Variants in CNNM1 observed in about 807,000 individuals in gnomAD.
The protein encoded by CNNM1 is metal transporter CNNM1.
In CNNM1, 44 loss-of-function variants were observed where a neutral mutation model predicts 78.8. That is an observed-to-expected ratio of 0.56 (90% confidence interval 0.44 to 0.72). CNNM1 has a LOEUF of 0.72. CNNM1 is among the 30% of genes least tolerant of loss of function. The pLI is 0.00. For synonymous variants in CNNM1, 584 were observed against 581.5 expected, an observed-to-expected ratio of 1.00 and a Z score of -0.06; for missense variants, 1,101 against 1,292.2, an observed-to-expected ratio of 0.85 and a Z score of 2.27.
intron 6 of CNNM1, among the ~76,000 whole-genome samples, chr10:99,366,402 G>A (rs1202935533): frequency 6.6e-6 from 1 of 151,334 alleles, no homozygotes; most frequent in South Asian, 2.1e-4. Flanking sequence ...AAGACTAAAA[G>A]AGGTGGAAAT....
chr10:99,351,303 AG>A (rs1428884086), intron 1 of CNNM1, among the ~76,000 whole-genome samples: 2 of 152,214 alleles, frequency 1.3e-5, no homozygotes, highest in Non-Finnish European at 2.9e-5. Flanking sequence ...AGCCACAAAG[AG>A]ACCCTTTCCC....
intron 6 of CNNM1, among the ~76,000 whole-genome samples, chr10:99,374,038 G>A (rs987309347): frequency 1.3e-5 from 2 of 152,178 alleles, no homozygotes; most frequent in African/African-American, 2.4e-5. Context: ...AAACATACAC[G>A]TACAGGTATC....
intron 6 of CNNM1, among the ~76,000 whole-genome samples, chr10:99,369,457 A>G (rs765410030): frequency 4.6e-5 from 7 of 152,164 alleles, no homozygotes; most frequent in Non-Finnish European, 1.0e-4. Context: ...TAATGATACT[A>G]AGACCCCACC....
At chr10:99,366,586 A>G (rs1370723554) in intron 6 of CNNM1, among the ~76,000 whole-genome samples, 1 of 152,112 alleles carries the variant, frequency 6.6e-6, no homozygotes, top group African/African-American at 2.4e-5. Context: ...GATCGAGACC[A>G]TCCTGGCCAA....
At chr10:99,386,422 C>T (rs552137798) in intron 7 of CNNM1, among the ~76,000 whole-genome samples, 2 of 152,290 alleles carry the variant, frequency 1.3e-5, no homozygotes, top group African/African-American at 4.8e-5. Flanking sequence ...TCAGATAATT[C>T]TGATGCTGAG....
intron 4 of CNNM1, among the ~76,000 whole-genome samples, chr10:99,363,146 C>A (rs2031495947): frequency 6.6e-6 from 1 of 152,216 alleles, no homozygotes; most frequent in African/African-American, 2.4e-5. Flanking sequence ...TGTTGTGAAT[C>A]CTAAATACAC....
At chr10:99,356,558 C>CAGAAAGAAAGAAAGAAA (rs1355245134) in intron 1 of CNNM1, among the ~76,000 whole-genome samples, 5 of 45,804 alleles carry the variant, frequency 1.1e-4, no homozygotes, top group East Asian at 6.9e-4. Flanking sequence ...GACAGACAGA[C>CAGAAAGAAAGAAAGAAA]AGACAGAAAG....
chr10:99,383,101 A>G (rs535578005), intron 7 of CNNM1, among the ~76,000 whole-genome samples: 1 of 152,242 alleles, frequency 6.6e-6, no homozygotes, highest in Non-Finnish European at 1.5e-5. Context: ...TCTGGGTGCC[A>G]TGAGCTATAC....
intron 4 of CNNM1, among the ~76,000 whole-genome samples, chr10:99,363,063 T>C (rs1345517617): frequency 1.3e-5 from 2 of 152,226 alleles, no homozygotes; most frequent in East Asian, 3.9e-4. Context: ...GATTGCAGCT[T>C]GTAACACTGC....
chr10:99,368,623 G>C, intron 6 of CNNM1: 1 of 1,289,660 alleles, frequency 7.8e-7, no homozygotes. Flanking sequence ...TTTAGTGCCT[G>C]TCTCTGTGTC....
chr10:99,362,972 A>G (rs1403547129), intron 4 of CNNM1, among the ~76,000 whole-genome samples: 1 of 152,134 alleles, frequency 6.6e-6, no homozygotes, highest in Non-Finnish European at 1.5e-5. Context: ...GAAGTGCAAC[A>G]TCTCCCCAGT....
Position 99,394,079 on chromosome 10 carries a change from G to A in CNNM1, c.*2563G>A, listed in dbSNP as rs866589356. ...TCTTGCCCAGCTGACCACTGGCCCC[G>A]GGGTGCCTGCCTGGCTGGTCTTCAT... On this transcript the variant is annotated 3_prime_UTR_variant, in exon 11 of 11. Transcript: ENST00000356713. 2.0e-5 allele frequency: 3 copies of A among 152,556 alleles called. No individual in the cohort carries two copies. Among genetic ancestry groups the A allele is most frequent in the Middle Eastern group, 3.4e-3 (1 of 294 alleles). The allele number at this position is 152,556 out of a possible 1,614,324, so 9.5% of individuals were successfully genotyped here. A position where few individuals can be genotyped will look rare whatever the true frequency, so the allele number is the denominator to read the frequency against.
chr10:99,360,906 T>C lies in CNNM1; in HGVS notation c.1789T>C (p.Ser597Pro). The change falls in exon 3 of 11, where the codon TCG (serine) becomes CCG (proline). Residue 597 changes from serine (S) to proline (P), a missense_variant. Ser to Pro is a moderately conservative substitution (Grantham distance 74). Around this residue, in one of 3 missense-constraint regions of CNNM1, gnomAD observed 277 missense variants for 423.2 expected, o/e 0.65. Transcript: ENST00000356713. ...GCATGACTTCTCCTTGTTTAAGCTT[T>C]CGGACACGGAGATGCGGGTGAAGAT... ...KRHDFSLFKL[S>P]DTEMRVKISP... is the part of the protein sequence containing the mutation. 1 of 1,613,276 alleles carries C rather than the reference T, an allele frequency of 6.2e-7. No homozygotes were observed. The highest frequency in any genetic ancestry group is 1.1e-5 in the South Asian group (1 of 91,030).
At chr10:99,388,963 T>C (rs985437988) in intron 9 of CNNM1, among the ~76,000 whole-genome samples, 1 of 152,142 alleles carries the variant, frequency 6.6e-6, no homozygotes, top group African/African-American at 2.4e-5. Flanking sequence ...TTGAGAAGCT[T>C]CTGTGTTTGC....
rs188072567 is a variant in CNNM1, at chr10:99,388,421, C to A, written c.2674+120C>A. 6 of 1,133,576 alleles carry A rather than the reference C, an allele frequency of 5.3e-6. No homozygotes were observed. In the South Asian group the frequency reaches 9.4e-5, roughly 18 times the overall value. 70.2% of individuals were successfully genotyped at this position (1,133,576 alleles called of 1,614,324 possible). On this transcript the variant is annotated intron_variant, in intron 9 of 10. Transcript: ENST00000356713. ...GACCGCAGCCCGTGCGTTAAACCTC[C>A]GACCTCCTTACACAGCCAGGGAAAG... is the stretch of plus-strand genomic sequence containing the variant.
chr10:99,377,020 C>T, intron 6 of CNNM1, 35 bp from the exon 7 acceptor site: 1 of 1,540,920 alleles, frequency 6.5e-7, no homozygotes, highest in Non-Finnish European at 8.8e-7. Context: ...CCACCCATCC[C>T]TCCTTGTCTT....
chr10:99,329,809 C>T lies in CNNM1; in HGVS notation c.422C>T (p.Ser141Leu). 1 of 1,464,560 alleles carries T rather than the reference C, an allele frequency of 6.8e-7. No homozygotes were observed. Among genetic ancestry groups the T allele is most frequent in the Admixed American group, 2.5e-5 (1 of 40,684 alleles). The allele number at this position is 1,464,560 out of a possible 1,614,324, so 90.7% of individuals were successfully genotyped here. ...TGCAGGGAGCAGAGCGACTGGGCAT[C>T]GGACGTGGAAGTCCTGGGGCCCTTG... ...QRCREQSDWA[S>L]DVEVLGPLRP... The change falls in exon 1 of 11, where the codon TCG becomes TTG. Residue 141 changes from serine to leucine, a missense_variant. Ser to Leu is a moderately radical substitution (Grantham distance 145). Around this residue, in one of 3 missense-constraint regions of CNNM1, gnomAD observed 476 missense variants for 484.5 expected, o/e 0.98. Coordinates refer to ENST00000356713, the MANE Select transcript of CNNM1 (RefSeq NM_020348.3).
chr10:99,329,820 G>A lies in CNNM1; in HGVS notation c.433G>A (p.Val145Ile). The A allele has an allele frequency of 6.9e-7, 1 of 1,447,532 alleles. No individual in the cohort carries two copies. Among genetic ancestry groups the A allele is most frequent in the Non-Finnish European group, 9.0e-7 (1 of 1,106,076 alleles). The allele number at this position is 1,447,532 out of a possible 1,614,324, so 89.7% of individuals were successfully genotyped here. A position where few individuals can be genotyped will look rare whatever the true frequency, so the allele number is the denominator to read the frequency against. The change falls in exon 1 of 11, where the codon GTC (valine) becomes ATC (isoleucine). Residue 145 changes from valine to isoleucine, a missense_variant. By Grantham distance (29) the Val-to-Ile change is conservative. This residue lies in a region of CNNM1 where 476 missense variants were observed against 484.5 expected (regional missense o/e 0.98). Transcript: ENST00000356713. ...EQSDWASDVE[V>I]LGPLRPGGVA... Reference sequence around the variant, plus strand: ...GAGCGACTGGGCATCGGACGTGGAAGTCCTGGGGCCCTTGCGTCCCGGGGG... The same window carrying A: ...GAGCGACTGGGCATCGGACGTGGAAATCCTGGGGCCCTTGCGTCCCGGGGG...
chr10:99,354,825 C>T (rs1564945952), intron 1 of CNNM1, among the ~76,000 whole-genome samples: 1 of 152,026 alleles, frequency 6.6e-6, no homozygotes, highest in Non-Finnish European at 1.5e-5. Context: ...AGGGAAGAGC[C>T]ACATTGTGGA....
Sources: allele counts gnomAD v4.1 joint callset (sites outside exome capture counted in the v4.1 genomes callset), GRCh38; gene constraint gnomAD v4.1.1; regional missense constraint gnomAD v4.1.1; transcripts MANE v1.5; gene names NCBI Gene and HGNC (gene_info 2026-07-23, HGNC 2026-07-21).